Variants in GRAP2 observed in about 807,000 individuals in gnomAD.
GRAP2 encodes GRB2 related adaptor protein 2, also known as GRB2-related adapter protein 2.
Under a neutral mutation model 43.5 loss-of-function variants are expected in GRAP2, and 31 were observed. That is an observed-to-expected ratio of 0.71 (90% confidence interval 0.54 to 0.96). The LOEUF is 0.96. GRAP2 is among the 40% of genes least tolerant of loss of function. The probability of loss-of-function intolerance (pLI) is 0.00; values close to 1 mark genes in which losing one functional copy is unlikely to be tolerated. For synonymous variants in GRAP2, 156 were observed against 164.8 expected, an observed-to-expected ratio of 0.95 and a Z score of 0.41; for missense variants, 371 against 424.4, an observed-to-expected ratio of 0.87 and a Z score of 1.11.
chr22:39,914,338 A>G (rs1191235959), intron 1 of GRAP2, among the ~76,000 whole-genome samples: 2 of 152,176 alleles, frequency 1.3e-5, no homozygotes, highest in East Asian at 3.8e-4. Context: ...TTGGTTGTTC[A>G]GCAAACGCTT....
chr22:39,933,751 G>C (rs980096512), intron 1 of GRAP2, among the ~76,000 whole-genome samples: 13 of 151,818 alleles, frequency 8.6e-5, no homozygotes, highest in Non-Finnish European at 1.8e-4. Flanking sequence ...TGAGGCAGGA[G>C]AATCTCTTGA....
rs577053344 is a variant in GRAP2, at chr22:39,960,287, C to T, written c.290+113C>T. On this transcript the variant is annotated intron_variant, in intron 4 of 7. Coordinates refer to ENST00000344138, the MANE Select transcript of GRAP2 (RefSeq NM_004810.4). ...GACCCAATGGTCAGAAGCATGGTGG[C>T]CTAGGGGCCAAGCATGGCAGCAGCT... The T allele has an allele frequency of 2.0e-4, 209 of 1,027,906 alleles. No homozygotes were observed. The African/African-American group carries it at 2.8e-3, about 14-fold the overall frequency. The allele number at this position is 1,027,906 out of a possible 1,614,324, so 63.7% of individuals were successfully genotyped here.
intron 3 of GRAP2, among the ~76,000 whole-genome samples, chr22:39,959,387 G>A (rs2067091888): frequency 6.6e-6 from 1 of 152,216 alleles, no homozygotes; most frequent in Non-Finnish European, 1.5e-5. Flanking sequence ...GGCAGGCCCA[G>A]GATCTGGTTG....
intron 2 of GRAP2, among the ~76,000 whole-genome samples, chr22:39,952,746 G>T (rs1030237599): frequency 6.6e-6 from 1 of 152,152 alleles, no homozygotes; most frequent in Non-Finnish European, 1.5e-5. Context: ...TTTAAAGAAC[G>T]TATAAACCCT....
At position 39,973,662 on chromosome 22, in the gene GRAP2, T is replaced by C. The variant is rs2067267306; in HGVS notation, c.*2578T>C. 1 of 152,162 alleles carries C rather than the reference T, an allele frequency of 6.6e-6. No homozygotes were observed. Among genetic ancestry groups the C allele is most frequent in the Non-Finnish European group, 1.5e-5 (1 of 68,034 alleles). 9.4% of individuals were successfully genotyped at this position (152,162 alleles called of 1,614,324 possible). A position where few individuals can be genotyped will look rare whatever the true frequency, so the allele number is the denominator to read the frequency against. On this transcript the variant is annotated 3_prime_UTR_variant, in exon 8 of 8. Transcript: ENST00000344138. ...GACAAGAACCAAACTGTCCACATTA[T>C]GGAGGGGAGGGGGAAAGAGAGCTCA...
chr22:39,960,839 T>C (rs2067111819), intron 4 of GRAP2: 1 of 152,262 alleles, frequency 6.6e-6, no homozygotes, highest in South Asian at 2.1e-4. Flanking sequence ...TCTATTTTTA[T>C]GCTTAGGTTT....
chr22:39,907,551 A>T (rs940504943), intron 1 of GRAP2, among the ~76,000 whole-genome samples: 1 of 152,210 alleles, frequency 6.6e-6, no homozygotes, highest in African/African-American at 2.4e-5. Context: ...AGCCTGGGCA[A>T]CATGGTGAGG....
chr22:39,969,974 G>A (rs2067221262), intron 7 of GRAP2, among the ~76,000 whole-genome samples: 2 of 152,190 alleles, frequency 1.3e-5, no homozygotes, highest in South Asian at 4.1e-4. Context: ...GTGATGGAAT[G>A]TTTGGGGAGG....
intron 1 of GRAP2, among the ~76,000 whole-genome samples, chr22:39,906,584 T>C (rs1184729749): frequency 6.6e-6 from 1 of 152,262 alleles, no homozygotes; most frequent in Non-Finnish European, 1.5e-5. Flanking sequence ...TGGTTCTTTT[T>C]GCATTTCCAA....
chr22:39,915,573 C>CA (rs1430690162), intron 1 of GRAP2, among the ~76,000 whole-genome samples: 3 of 152,160 alleles, frequency 2.0e-5, no homozygotes, highest in African/African-American at 7.2e-5. Context: ...CTGCTTCTAA[C>CA]ACAATAAGAC....
intron 1 of GRAP2, among the ~76,000 whole-genome samples, chr22:39,942,562 A>G (rs1437058586): frequency 2.0e-5 from 3 of 151,880 alleles, no homozygotes; most frequent in Non-Finnish European, 4.4e-5. Flanking sequence ...AGGCAGGTGG[A>G]TCACTTGAGC....
intron 1 of GRAP2, among the ~76,000 whole-genome samples, chr22:39,912,289 G>A (rs2066572632): frequency 6.6e-6 from 1 of 152,162 alleles, no homozygotes; most frequent in African/African-American, 2.4e-5. Context: ...GGATGGTGAT[G>A]CATGCCTGTA....
At chr22:39,899,032 C>T (rs1337154234), upstream of GRAP2, among the ~76,000 whole-genome samples, 1 of 152,148 alleles carries the variant, frequency 6.6e-6, no homozygotes, top group Non-Finnish European at 1.5e-5. Flanking sequence ...GAAATGCTGG[C>T]ATTCTCACAT....
rs1343594009 is a variant in GRAP2 at position 39,965,979 on chromosome 22, T to C, written c.291-11T>C. Reference sequence around the variant, plus strand: ...GTGTAACATACAATTTTGTTTTGCCTTGATCTCCAGGCATGAGGATGACGT... The same window carrying C: ...GTGTAACATACAATTTTGTTTTGCCCTGATCTCCAGGCATGAGGATGACGT... On this transcript the variant is annotated splice_polypyrimidine_tract_variant and intron_variant, in intron 4 of 7. Coordinates refer to ENST00000344138, the MANE Select transcript of GRAP2 (RefSeq NM_004810.4). 6.2e-7 allele frequency: 1 copy of C among 1,612,916 alleles called. No individual in the cohort carries two copies. The highest frequency in any genetic ancestry group is 8.5e-7 in the Non-Finnish European group (1 of 1,178,946).
At chr22:39,940,032 A>G (rs1226886687) in intron 1 of GRAP2, among the ~76,000 whole-genome samples, 1 of 152,190 alleles carries the variant, frequency 6.6e-6, no homozygotes, top group African/African-American at 2.4e-5. Flanking sequence ...TGTAGCTGCC[A>G]TGATTCCAAC....
intron 7 of GRAP2, 60 bp downstream of exon 7, chr22:39,969,593 G>A (rs1416054210): frequency 8.9e-6 from 14 of 1,571,344 alleles, no homozygotes; most frequent in Non-Finnish European, 1.2e-5. Context: ...GAGGTCAATG[G>A]AGGAGATGAG....
At chr22:39,956,853 G>A (rs537842748) in intron 3 of GRAP2, among the ~76,000 whole-genome samples, 5 of 152,164 alleles carry the variant, frequency 3.3e-5, no homozygotes, top group East Asian at 3.9e-4. Context: ...ATTCCAAAGG[G>A]GACGCTATTG....
At chr22:39,960,904 A>G (rs2067112625) in intron 4 of GRAP2, 2 of 151,990 alleles carry the variant, frequency 1.3e-5, no homozygotes, top group Admixed American at 1.3e-4. Flanking sequence ...GGTTTGATCT[A>G]AGGTAACAGA....
At chr22:39,957,840 G>A (rs1285741831) in intron 3 of GRAP2, among the ~76,000 whole-genome samples, 1 of 152,090 alleles carries the variant, frequency 6.6e-6, no homozygotes, top group Non-Finnish European at 1.5e-5. Flanking sequence ...GGAGGCTGAG[G>A]CAGGAGGATC....
Sources: allele counts gnomAD v4.1 joint callset (sites outside exome capture counted in the v4.1 genomes callset), GRCh38; gene constraint gnomAD v4.1.1; transcripts MANE v1.5; gene names NCBI Gene and HGNC (gene_info 2026-07-23, HGNC 2026-07-21).